Variants in DAO observed in about 807,000 individuals in gnomAD.
DAO encodes the protein D-amino-acid oxidase.
In DAO, 51 loss-of-function variants were observed where a neutral mutation model predicts 50.1. The observed-to-expected ratio is 1.02, with a 90% CI of 0.81 to 1.29. The LOEUF is 1.29. Among genes scored for constraint, DAO ranks in the 50% most tolerant of loss-of-function variants. The probability of loss-of-function intolerance (pLI) is 0.00; values close to 1 mark genes in which losing one functional copy is unlikely to be tolerated. For missense variants in DAO, 436 were observed against 439.4 expected, an observed-to-expected ratio of 0.99 and a Z score of 0.07; for synonymous variants, 160 against 166.2, an observed-to-expected ratio of 0.96 and a Z score of 0.29.
intron 3 of DAO, 139 bp downstream of exon 3, chr12:108,887,703 G>A (rs1018679624): frequency 5.1e-5 from 37 of 718,638 alleles, no homozygotes; most frequent in African/African-American, 4.8e-4. Context: ...TTCAAAACAG[G>A]TTTGGTTTAA....
chr12:108,883,215 C>T (rs928906898), intron 1 of DAO, among the ~76,000 whole-genome samples: 7 of 152,032 alleles, frequency 4.6e-5, no homozygotes, highest in South Asian at 4.1e-4. Flanking sequence ...GGTGCGAACT[C>T]GACTCGCTGC....
chr12:108,900,325 C>A, intron 10 of DAO, 79 bp from the exon 11 acceptor site: 1 of 1,573,170 alleles, frequency 6.4e-7, no homozygotes, highest in Non-Finnish European at 8.7e-7. Context: ...GCTCCTGAGT[C>A]TTCCAGGGCA....
At chr12:108,891,233 G>A (rs997348673) in intron 5 of DAO, among the ~76,000 whole-genome samples, 4 of 151,982 alleles carry the variant, frequency 2.6e-5, no homozygotes, top group African/African-American at 9.7e-5. Context: ...CAGATCACTT[G>A]AGCCCAGGAG....
At chr12:108,893,084 G>C in intron 6 of DAO, 48 bp downstream of exon 6, 973 of 1,486,304 alleles carry the variant, frequency 6.5e-4, no homozygotes, top group Non-Finnish European at 8.4e-4. Flanking sequence ...GAAGAGGGGA[G>C]GCCTCTGCTT....
chr12:108,883,707 G>A, intron 1 of DAO: 1 of 431,334 alleles, frequency 2.3e-6, no homozygotes, highest in Non-Finnish European at 4.7e-6. Flanking sequence ...GTCCCTGAGA[G>A]GGGCTGTCCC....
In DAO at chr12:108,880,136, C is replaced by G; in HGVS notation, c.-98C>G. 2.2e-6 allele frequency: 1 copy of G among 456,750 alleles called. No individual in the cohort carries two copies. Among genetic ancestry groups the G allele is most frequent in the Non-Finnish European group, 4.4e-6 (1 of 226,976 alleles). 28.3% of individuals were successfully genotyped at this position (456,750 alleles called of 1,614,324 possible). On this transcript the variant is annotated 5_prime_UTR_variant, in exon 1 of 11. Coordinates refer to ENST00000228476, the MANE Select transcript of DAO (RefSeq NM_001917.5). ...CGGACAGAGGGCTGGAAACAAGACG[C>G]TCCAGAATCAGGAGCTTCCCCTCAG...
chr12:108,896,987 T>C lies in DAO; in HGVS notation c.613-19T>C. 2 of 1,603,842 alleles carry C rather than the reference T, an allele frequency of 1.2e-6. No homozygotes were observed. Among genetic ancestry groups the C allele is most frequent in the South Asian group, 1.1e-5 (1 of 90,918 alleles). ...TGACTCACCTCCGCTGATGAGACTT[T>C]CCTGCCCTGAATCAACAGGTGGACG... On this transcript the variant is annotated intron_variant, in intron 7 of 10. Transcript: ENST00000228476.
At chr12:108,883,220 C>T (rs1053224104) in intron 1 of DAO, among the ~76,000 whole-genome samples, 2 of 152,060 alleles carry the variant, frequency 1.3e-5, no homozygotes, top group South Asian at 2.1e-4. Flanking sequence ...GAACTCGACT[C>T]GCTGCAACCT....
At chr12:108,881,606 T>TC (rs796558101) in intron 1 of DAO, among the ~76,000 whole-genome samples, 1,770 of 141,554 alleles carry the variant, frequency 0.013, 56 homozygotes, top group African/African-American at 0.045. Flanking sequence ...TTTAAATTTT[T>TC]TTTTTTTTTT....
chr12:108,889,450 C>T lies in DAO; in HGVS notation c.310-19C>T. 1 of 1,599,648 alleles carries T rather than the reference C, an allele frequency of 6.3e-7. No homozygotes were observed. The highest frequency in any genetic ancestry group is 8.6e-7 in the Non-Finnish European group (1 of 1,168,694). On this transcript the variant is annotated intron_variant, in intron 3 of 10. Transcript: ENST00000228476. ...TGACTTCCATCCCACCCAGTGCCCCCTTTGTCCTTCCTCTTCAGGACCCTT... is the reference window on the plus strand; with the variant it reads ...TGACTTCCATCCCACCCAGTGCCCCTTTTGTCCTTCCTCTTCAGGACCCTT...
intron 2 of DAO, 132 bp downstream of exon 2, chr12:108,885,332 G>C (rs1013848443): frequency 3.3e-6 from 3 of 904,650 alleles, no homozygotes; most frequent in Non-Finnish European, 5.2e-6. Context: ...GAAAATGCCA[G>C]GCGTGGTGGT....
chr12:108,884,726 G>T (rs185607791), intron 1 of DAO, among the ~76,000 whole-genome samples: 1 of 152,174 alleles, frequency 6.6e-6, no homozygotes, highest in Admixed American at 6.5e-5. Flanking sequence ...CCAGAAACTG[G>T]GTGTCTGGGG....
Position 108,880,093 on chromosome 12 carries a change from C to T in DAO, c.-141C>T, listed in dbSNP as rs2039359101. ...TCCATAGCTCCAGACTTTGACCCTG[C>T]ACTCCAGTCCGGGCTGGCGGACAGA... On this transcript the variant is annotated 5_prime_UTR_variant, in exon 1 of 11. Transcript: ENST00000228476. 1 of 456,588 alleles carries T rather than the reference C, an allele frequency of 2.2e-6. No homozygotes were observed. The highest frequency in any genetic ancestry group is 4.4e-6 in the Non-Finnish European group (1 of 226,982). The allele number at this position is 456,588 out of a possible 1,614,324, so 28.3% of individuals were successfully genotyped here. A position where few individuals can be genotyped will look rare whatever the true frequency, so the allele number is the denominator to read the frequency against.
intron 1 of DAO, among the ~76,000 whole-genome samples, chr12:108,884,482 T>C (rs2039412683): frequency 6.6e-6 from 1 of 152,234 alleles, no homozygotes; most frequent in African/African-American, 2.4e-5. Context: ...CAAATGTCAG[T>C]ATATTACTTC....
intron 7 of DAO, 115 bp downstream of exon 7, chr12:108,894,482 G>T: frequency 2.3e-6 from 2 of 873,120 alleles, no homozygotes. Context: ...GAACCCCCCG[G>T]ACTGCAGGGA....
chr12:108,892,100 C>T (rs1049748955), intron 5 of DAO, among the ~76,000 whole-genome samples: 1 of 151,654 alleles, frequency 6.6e-6, no homozygotes, highest in Admixed American at 6.6e-5. Context: ...GTATGCTTCA[C>T]CTTCTTTTTG....
chr12:108,898,881 C>G, intron 9 of DAO, 85 bp downstream of exon 9: 1 of 854,232 alleles, frequency 1.2e-6, no homozygotes, highest in Non-Finnish European at 2.0e-6. Context: ...AAGATGCCAC[C>G]GCTGGGATAA....
In DAO at chr12:108,890,261, G is replaced by T. The variant is rs374340431; in HGVS notation, c.440G>T (p.Trp147Leu). Residue 147 changes from tryptophan (W) to leucine (L), a missense_variant, in exon 5 of 11, where the codon TGG becomes TTG. Transcript: ENST00000228476. ...LILEGKNYLQ[W>L]LTERLTERGV... is the part of the protein sequence containing the mutation. ...CTGGAGGGAAAGAACTATCTACAGT[G>T]GCTGACTGAAAGGTGAGATTTTAAG... The T allele has an allele frequency of 3.1e-6, 5 of 1,613,372 alleles. No homozygotes were observed. Among genetic ancestry groups the T allele is most frequent in the Non-Finnish European group, 4.2e-6 (5 of 1,179,448 alleles).
chr12:108,900,507 T>C lies in DAO; in HGVS notation c.1016T>C (p.Leu339Ser). The C allele has an allele frequency of 6.2e-7, 1 of 1,614,090 alleles. No individual in the cohort carries two copies. The highest frequency in any genetic ancestry group is 2.2e-5 in the East Asian group (1 of 44,882). The change falls in exon 11 of 11, where the codon TTG (leucine) becomes TCG (serine). Residue 339 changes from leucine to serine, a missense_variant. By Grantham distance (145) the Leu-to-Ser change is moderately radical (BLOSUM62 -2). Transcript: ENST00000228476. ...LFGRILEEKKLSRMPPSHL is the reference protein window; with the variant it reads ...LFGRILEEKKSSRMPPSHL ...GGGAGAATCCTGGAAGAAAAGAAAT[T>C]GTCCAGAATGCCACCATCCCACCTC... is the stretch of plus-strand genomic sequence containing the variant.
Sources: gnomAD v4.1 joint callset for allele counts (sites outside exome capture counted in the v4.1 genomes callset) on GRCh38, gnomAD v4.1.1 for gene constraint, MANE v1.5 for transcripts, NCBI Gene and HGNC (gene_info 2026-07-23, HGNC 2026-07-21) for gene names.